MCPH1: variants seen among roughly 807,000 people sequenced by gnomAD.
MCPH1 encodes the protein microcephalin 1.
MCPH1 carries 104 observed loss-of-function variants against 84.5 expected under a neutral mutation model. The observed-to-expected ratio is 1.23, with a 90% CI of 1.05 to 1.45. The LOEUF is 1.45. Among genes scored for constraint, MCPH1 ranks in the 40% most tolerant of loss-of-function variants. MCPH1 has a pLI of 0.00. For synonymous variants in MCPH1, 514 were observed against 366.8 expected (o/e 1.40, Z -4.58); for missense variants, 1,498 against 1,005.7 (o/e 1.49, Z -6.62).
rs2442474 is a variant in MCPH1, at chr8:6,499,686, A to G, written c.2137-166A>G. ...TCAACTTTTTATTAATATTCATAAC[A>G]TTTATGCAACATGAAGATTCTGAAG... is the stretch of plus-strand genomic sequence containing the variant. On this transcript the variant is annotated intron_variant, in intron 11 of 13. Transcript: ENST00000344683. 9,402 of 627,316 alleles carry G rather than the reference A, an allele frequency of 0.015. 94 individuals are homozygous for G. Among genetic ancestry groups the G allele is most frequent in the Non-Finnish European group, 0.019 (6,758 of 350,628 alleles). 38.9% of individuals were successfully genotyped at this position (627,316 alleles called of 1,614,324 possible). A position where few individuals can be genotyped will look rare whatever the true frequency, so the allele number is the denominator to read the frequency against.
At chr8:6,532,293 G>A in intron 12 of MCPH1, 3 of 1,613,046 alleles carry the variant, frequency 1.9e-6, no homozygotes, top group Non-Finnish European at 2.5e-6. Flanking sequence ...CTAGTCTCTA[G>A]CTGCAGGGAC....
rs1252309317 is a variant in MCPH1, at chr8:6,444,913, G to T, written c.1191G>T (p.Val397=). ...LCRSEDRLQH[V]AGPALEALSC... ...GGTCGGAAGACAGGCTGCAGCACGTGGCGGGACCTGCCCTGGAGGCTCTTA... is the reference window on the plus strand; with the variant it reads ...GGTCGGAAGACAGGCTGCAGCACGTTGCGGGACCTGCCCTGGAGGCTCTTA... The change falls in exon 8 of 14, where the codon GTG becomes GTT. Residue 397 remains valine (V), a synonymous_variant. Coordinates refer to ENST00000344683, the MANE Select transcript of MCPH1 (RefSeq NM_024596.5). The T allele has an allele frequency of 3.1e-6, 5 of 1,614,176 alleles. No individual in the cohort carries two copies. Among genetic ancestry groups the T allele is most frequent in the Admixed American group, 3.3e-5 (2 of 60,026 alleles).
At chr8:6,490,443 C>T (rs563410484) in intron 11 of MCPH1, among the ~76,000 whole-genome samples, 4 of 152,142 alleles carry the variant, frequency 2.6e-5, no homozygotes, top group Non-Finnish European at 4.4e-5. Flanking sequence ...ACTCTATCCC[C>T]AAGTTAAAAT....
intron 11 of MCPH1, among the ~76,000 whole-genome samples, chr8:6,490,949 T>TA (rs946656809): frequency 2.8e-4 from 3 of 10,860 alleles, no homozygotes; most frequent in East Asian, 0.33. Flanking sequence ...AATAATATAA[T>TA]ATCAATAATG....
At chr8:6,434,421 A>G (rs1802342500) in intron 4 of MCPH1, among the ~76,000 whole-genome samples, 1 of 152,240 alleles carries the variant, frequency 6.6e-6, no homozygotes, top group African/African-American at 2.4e-5. Flanking sequence ...CTGTGGCTAT[A>G]AAGCACCACT....
At chr8:6,447,739 A>T (rs1245957598) in intron 8 of MCPH1, among the ~76,000 whole-genome samples, 1 of 152,032 alleles carries the variant, frequency 6.6e-6, no homozygotes, top group Non-Finnish European at 1.5e-5. Context: ...TTTAGTAGAG[A>T]TGGGGTTTCA....
chr8:6,509,649 A>G (rs1458584192), intron 12 of MCPH1, among the ~76,000 whole-genome samples: 1 of 152,234 alleles, frequency 6.6e-6, no homozygotes, highest in Admixed American at 6.5e-5. Context: ...TAAGTTAGAC[A>G]CTATTTACAA....
rs189492635 is a variant in MCPH1 at position 6,468,157 on chromosome 8, A to C, written c.1936-9437A>C. Among the ~76,000 whole-genome samples the C allele has an allele frequency of 3.5e-3, 527 of 152,296 alleles. 4 individuals are homozygous for C. Among genetic ancestry groups the C allele is most frequent in the African/African-American group, 0.011 (467 of 41,564 alleles). Reference sequence around the variant, plus strand: ...AGCTCAGAGGCAGTCTTTCCTGTGCAGATAAGAGTGCACCCTGCCTGCACC... The same window carrying C: ...AGCTCAGAGGCAGTCTTTCCTGTGCCGATAAGAGTGCACCCTGCCTGCACC... On this transcript the variant is annotated intron_variant, in intron 9 of 13. Transcript: ENST00000344683.
chr8:6,408,891 C>CT (rs112280128), intron 1 of MCPH1, among the ~76,000 whole-genome samples: 48,034 of 76,724 alleles, frequency 0.63, 10,486 homozygotes, highest in African/African-American at 0.71. Context: ...TTACTTTTTT[C>CT]TTTTTTTTTT....
rs1340966200 is a variant in MCPH1, at chr8:6,647,082, G to A, written c.*4033G>A. ...GATAAAGGACTTGTACCCAGACCAT[G>A]TAAAGAACTCATAACTCATTAATAA... On this transcript the variant is annotated 3_prime_UTR_variant, in exon 14 of 14. Transcript: ENST00000344683. 1.3e-5 allele frequency: 2 copies of A among 152,064 alleles called. No individual in the cohort carries two copies. Among genetic ancestry groups the A allele is most frequent in the Non-Finnish European group, 2.9e-5 (2 of 68,020 alleles). 9.4% of individuals were successfully genotyped at this position (152,064 alleles called of 1,614,324 possible).
chr8:6,572,777 C>T (rs550239480), intron 12 of MCPH1, among the ~76,000 whole-genome samples: 12 of 152,320 alleles, frequency 7.9e-5, no homozygotes, highest in Non-Finnish European at 1.3e-4. Flanking sequence ...TACAGTCTAA[C>T]GAGGTGAACA....
chr8:6,448,183 C>G (rs1419788417), intron 8 of MCPH1, among the ~76,000 whole-genome samples: 2 of 152,184 alleles, frequency 1.3e-5, no homozygotes, highest in East Asian at 1.9e-4. Flanking sequence ...AACAATACTG[C>G]ATTGGATAGA....
At chr8:6,487,054 G>A (rs1400645231) in intron 11 of MCPH1, among the ~76,000 whole-genome samples, 2 of 152,184 alleles carry the variant, frequency 1.3e-5, no homozygotes, top group Non-Finnish European at 2.9e-5. Flanking sequence ...CCAGCACAGT[G>A]AGGAATAACT....
chr8:6,627,169 TC>T, intron 13 of MCPH1: 1 of 985,354 alleles, frequency 1.0e-6, no homozygotes, highest in Non-Finnish European at 1.2e-6. Flanking sequence ...TGCACGACGC[TC>T]CCATGGGGCC....
intron 11 of MCPH1, among the ~76,000 whole-genome samples, chr8:6,481,633 C>G (rs1809254439): frequency 6.6e-6 from 1 of 152,220 alleles, no homozygotes; most frequent in Admixed American, 6.5e-5. Flanking sequence ...AGAATTATAA[C>G]ATGCAAAAGC....
intron 12 of MCPH1, among the ~76,000 whole-genome samples, chr8:6,564,688 C>T (rs961007352): frequency 3.9e-5 from 6 of 152,180 alleles, no homozygotes; most frequent in African/African-American, 1.4e-4. Flanking sequence ...TTATTTTTTA[C>T]TAAGCTCTAA....
At chr8:6,515,934 G>A (rs898039794) in intron 12 of MCPH1, among the ~76,000 whole-genome samples, 1 of 152,142 alleles carries the variant, frequency 6.6e-6, no homozygotes, top group Non-Finnish European at 1.5e-5. Context: ...GAGGAAAGAG[G>A]GGTGCAGAGG....
chr8:6,439,112 G>A lies in MCPH1; in HGVS notation c.580+16G>A, dbSNP rs376470255. 1.2e-6 allele frequency: 2 copies of A among 1,610,370 alleles called. No individual in the cohort carries two copies. Among genetic ancestry groups the A allele is most frequent in the Non-Finnish European group, 1.7e-6 (2 of 1,178,234 alleles). On this transcript the variant is annotated intron_variant, in intron 6 of 13. Coordinates refer to ENST00000344683, the MANE Select transcript of MCPH1 (RefSeq NM_024596.5). ...TCCCCCACCTGTAAGTAATTAGTTTGTAAAATGAAAATTATGCAAATAGCC... is the reference window on the plus strand; with the variant it reads ...TCCCCCACCTGTAAGTAATTAGTTTATAAAATGAAAATTATGCAAATAGCC...
At chr8:6,445,685 T>G in intron 8 of MCPH1, 138 bp downstream of exon 8, 2 of 1,441,160 alleles carry the variant, frequency 1.4e-6, no homozygotes, top group Non-Finnish European at 9.1e-7. Context: ...GTGCATTTGA[T>G]CATTCCAATG....
Sources: allele counts gnomAD v4.1 joint callset (sites outside exome capture counted in the v4.1 genomes callset), GRCh38; gene constraint gnomAD v4.1.1; transcripts MANE v1.5; gene names NCBI Gene and HGNC (gene_info 2026-07-23, HGNC 2026-07-21).